The following ROR1 variants were observed in gnomAD, a reference collection of about 807,000 sequenced individuals.
The protein encoded by ROR1 is inactive tyrosine-protein kinase transmembrane receptor ROR1.
A neutral mutation model predicts 78.8 loss-of-function variants in ROR1; 19 were observed. The ratio of observed to expected loss-of-function variants is 0.24; its 90% CI spans 0.17 to 0.35. ROR1 has a LOEUF of 0.35. Among genes scored for constraint, ROR1 ranks in the 10% least tolerant of loss-of-function variants. ROR1 has a pLI of 1.00. For missense variants in ROR1, 917 were observed against 1,177.8 expected, an observed-to-expected ratio of 0.78 and a Z score of 3.24; for synonymous variants, 386 against 433.6, an observed-to-expected ratio of 0.89 and a Z score of 1.36.
rs553576883 is a variant in ROR1, at chr1:64,028,409, T to C, written c.163+19033T>C. On this transcript the variant is annotated intron_variant, in intron 2 of 8. Coordinates refer to ENST00000371079, the MANE Select transcript of ROR1 (RefSeq NM_005012.4). ...TTTGAGTTGGGTATTACAGGATGCA[T>C]GGGCGTTTGCTAAATAGGAAGCAGA... Among the ~76,000 whole-genome samples the C allele has an allele frequency of 4.6e-5, 7 of 152,316 alleles. No individual in the cohort carries two copies. In the East Asian group the frequency reaches 7.7e-4, roughly 17 times the overall value.
chr1:63,836,217 G>C (rs1645017995), intron 1 of ROR1, among the ~76,000 whole-genome samples: 1 of 152,182 alleles, frequency 6.6e-6, no homozygotes, highest in African/African-American at 2.4e-5. Context: ...CCTGATTCCA[G>C]AGTCCAAGCC....
At chr1:63,923,917 C>T (rs913240958) in intron 1 of ROR1, among the ~76,000 whole-genome samples, 3 of 151,822 alleles carry the variant, frequency 2.0e-5, no homozygotes, top group Non-Finnish European at 2.9e-5. Flanking sequence ...AACCAGGGGG[C>T]CTGAGGACCT....
intron 4 of ROR1, among the ~76,000 whole-genome samples, chr1:64,063,728 T>G (rs1213559041): frequency 6.6e-6 from 1 of 152,048 alleles, no homozygotes; most frequent in Non-Finnish European, 1.5e-5. Context: ...TCTAGGGCAG[T>G]GCTTCTCAAC....
intron 1 of ROR1, among the ~76,000 whole-genome samples, chr1:63,877,860 G>A (rs627276): frequency 0.019 from 2,923 of 152,238 alleles, 73 homozygotes; most frequent in African/African-American, 0.047. Context: ...TAAACTATCT[G>A]ATGAATTAGT....
At chr1:63,781,040 G>A (rs1156392149) in intron 1 of ROR1, among the ~76,000 whole-genome samples, 2 of 152,144 alleles carry the variant, frequency 1.3e-5, no homozygotes, top group Admixed American at 1.3e-4. Context: ...AGAGAGAAGA[G>A]TAATGAAGCG....
At chr1:63,821,149 C>G (rs1206530158) in intron 1 of ROR1, among the ~76,000 whole-genome samples, 1 of 152,164 alleles carries the variant, frequency 6.6e-6, no homozygotes, top group Non-Finnish European at 1.5e-5. Flanking sequence ...CACATTGTAC[C>G]TAGATTAAAG....
At chr1:63,881,274 A>G (rs1645321319) in intron 1 of ROR1, among the ~76,000 whole-genome samples, 2 of 152,178 alleles carry the variant, frequency 1.3e-5, no homozygotes, top group Admixed American at 1.3e-4. Flanking sequence ...TCCATGGGAA[A>G]ACAATCCTCA....
At chr1:64,071,600 G>GACACACAC (rs148629663) in intron 4 of ROR1, among the ~76,000 whole-genome samples, 4 of 116,462 alleles carry the variant, frequency 3.4e-5, no homozygotes, top group Non-Finnish European at 5.8e-5. Flanking sequence ...CACACACACA[G>GACACACAC]ACACACACAC....
At chr1:63,987,224 T>C (rs913055954) in intron 1 of ROR1, among the ~76,000 whole-genome samples, 1 of 152,226 alleles carries the variant, frequency 6.6e-6, no homozygotes, top group East Asian at 1.9e-4. Context: ...TGCAGAATTA[T>C]GTCAGTGGAA....
At chr1:63,880,637 T>C (rs934599650) in intron 1 of ROR1, among the ~76,000 whole-genome samples, 2 of 152,212 alleles carry the variant, frequency 1.3e-5, no homozygotes, top group Non-Finnish European at 2.9e-5. Flanking sequence ...GTGATTTAAT[T>C]TGAGCTCTGT....
intron 4 of ROR1, among the ~76,000 whole-genome samples, chr1:64,135,249 T>G (rs929017565): frequency 6.6e-6 from 1 of 152,166 alleles, no homozygotes; most frequent in Non-Finnish European, 1.5e-5. Context: ...TGAAAAAAAG[T>G]ATTCAAAGAG....
chr1:64,049,382 A>G (rs1646809806), intron 2 of ROR1, among the ~76,000 whole-genome samples: 1 of 152,130 alleles, frequency 6.6e-6, no homozygotes, highest in Non-Finnish European at 1.5e-5. Flanking sequence ...CTATGCTGGA[A>G]TTTGGAACAA....
intron 1 of ROR1, among the ~76,000 whole-genome samples, chr1:63,877,038 G>A (rs1017325857): frequency 3.3e-5 from 5 of 151,968 alleles, no homozygotes; most frequent in African/African-American, 1.2e-4. Flanking sequence ...CTTAGAAAAC[G>A]AGGGCACACA....
chr1:63,900,976 A>T (rs1177822768), intron 1 of ROR1, among the ~76,000 whole-genome samples: 1 of 152,138 alleles, frequency 6.6e-6, no homozygotes, highest in Non-Finnish European at 1.5e-5. Context: ...CTGAGGTGGT[A>T]GCATTATTAC....
intron 1 of ROR1, among the ~76,000 whole-genome samples, chr1:63,920,300 T>A (rs1007957471): frequency 6.6e-6 from 1 of 152,160 alleles, no homozygotes; most frequent in Non-Finnish European, 1.5e-5. Context: ...GCTGAAGCAC[T>A]GGTGATGGGA....
chr1:63,981,639 G>C (rs1254543651), intron 1 of ROR1, among the ~76,000 whole-genome samples: 3 of 152,048 alleles, frequency 2.0e-5, no homozygotes, highest in Non-Finnish European at 4.4e-5. Flanking sequence ...TGGTGTCCTG[G>C]GATCCTTTGG....
chr1:64,041,796 C>CA (rs1336250243), intron 2 of ROR1, among the ~76,000 whole-genome samples: 2 of 152,184 alleles, frequency 1.3e-5, no homozygotes, highest in African/African-American at 4.8e-5. Flanking sequence ...CCCAGCCCAG[C>CA]ACAGCACTTC....
chr1:64,031,610 A>G (rs951081181), intron 2 of ROR1, among the ~76,000 whole-genome samples: 2 of 152,262 alleles, frequency 1.3e-5, no homozygotes, highest in Non-Finnish European at 1.5e-5. Context: ...TGTTAAGGAT[A>G]GTTGCTCATT....
At chr1:63,810,731 C>A (rs528356088) in intron 1 of ROR1, among the ~76,000 whole-genome samples, 1 of 152,280 alleles carries the variant, frequency 6.6e-6, no homozygotes, top group South Asian at 2.1e-4. Flanking sequence ...AAACATGATG[C>A]CTCTAGGGGA....
Sources: gnomAD v4.1 joint callset for allele counts (sites outside exome capture counted in the v4.1 genomes callset) on GRCh38, gnomAD v4.1.1 for gene constraint, MANE v1.5 for transcripts, NCBI Gene and HGNC (gene_info 2026-07-23, HGNC 2026-07-21) for gene names.